The following NALF1 variants were observed in gnomAD, a reference collection of about 807,000 sequenced individuals.
NALF1 encodes the protein NALCN channel auxiliary factor 1.
NALF1 carries 3 observed loss-of-function variants against 48.4 expected under a neutral mutation model. The ratio of observed to expected loss-of-function variants is 0.06; its 90% confidence interval spans 0.03 to 0.16. The LOEUF is 0.16. Among genes scored for constraint, NALF1 ranks in the 10% least tolerant of loss-of-function variants. NALF1 has a pLI of 1.00. For synonymous variants in NALF1, 262 were observed against 245.7 expected (o/e 1.07, Z -0.62); for missense variants, 526 against 571.5 (o/e 0.92, Z 0.81).
chr13:107,480,930 G>A (rs527777423), intron 1 of NALF1, among the ~76,000 whole-genome samples: 5 of 151,680 alleles, frequency 3.3e-5, no homozygotes, highest in Admixed American at 1.3e-4. Flanking sequence ...ATACTTCTAC[G>A]AAACCCACTA....
intron 1 of NALF1, among the ~76,000 whole-genome samples, chr13:107,216,606 G>C (rs1879878150): frequency 6.6e-6 from 1 of 152,112 alleles, no homozygotes; most frequent in Admixed American, 6.5e-5. Context: ...CCTGTTTTCT[G>C]GTGGTGACCC....
chr13:107,297,708 C>A (rs1379892079), intron 1 of NALF1, among the ~76,000 whole-genome samples: 1 of 152,174 alleles, frequency 6.6e-6, no homozygotes, highest in African/African-American at 2.4e-5. Context: ...CCACTTACTG[C>A]TTAAGTTTCT....
At chr13:107,185,709 A>AT (rs201097745) in intron 2 of NALF1, among the ~76,000 whole-genome samples, 1 of 152,104 alleles carries the variant, frequency 6.6e-6, no homozygotes, top group East Asian at 1.9e-4. Flanking sequence ...ATATTTATTT[A>AT]TTTTTTTAAA....
At chr13:107,326,125 A>G (rs1266401394) in intron 1 of NALF1, among the ~76,000 whole-genome samples, 1 of 151,722 alleles carries the variant, frequency 6.6e-6, no homozygotes, top group Non-Finnish European at 1.5e-5. Flanking sequence ...AGTGAAAACA[A>G]TTTTGAAGGC....
chr13:107,239,171 GCTGT>G (rs1313449878), intron 1 of NALF1, among the ~76,000 whole-genome samples: 39 of 152,320 alleles, frequency 2.6e-4, no homozygotes, highest in Admixed American at 1.2e-3. Flanking sequence ...TCCGAGGGCT[GCTGT>G]AATCCAACTG....
At chr13:107,555,374 G>T (rs1422728452) in intron 1 of NALF1, among the ~76,000 whole-genome samples, 1 of 148,432 alleles carries the variant, frequency 6.7e-6, no homozygotes, top group African/African-American at 2.5e-5. Context: ...CCGGGTTCAA[G>T]AAATTCTCCT....
At chr13:107,545,367 C>T (rs574064136) in intron 1 of NALF1, among the ~76,000 whole-genome samples, 1 of 152,292 alleles carries the variant, frequency 6.6e-6, no homozygotes, top group East Asian at 1.9e-4. Context: ...AGCACAGACC[C>T]TCCAACACCA....
At position 107,812,218 on chromosome 13, in the gene NALF1, T is replaced by C. The variant is rs533962171; in HGVS notation, c.915+53464A>G. On this transcript the variant is annotated intron_variant, in intron 1 of 2. Transcript: ENST00000375915. ...TCTACAGGTAGCATAAATGCTGACA[T>C]ATCCAAATATTACAGTTTCATTTTC... Among the ~76,000 whole-genome samples, 3 of 152,306 alleles carry C rather than the reference T, an allele frequency of 2.0e-5. No individual in the cohort carries two copies. The East Asian group carries it at 5.8e-4, about 29-fold the overall frequency.
chr13:107,855,338 A>G (rs144326397), intron 1 of NALF1, among the ~76,000 whole-genome samples: 3 of 152,328 alleles, frequency 2.0e-5, no homozygotes, highest in Admixed American at 6.5e-5. Flanking sequence ...ACACAAATTC[A>G]CAAACTTTCT....
At chr13:107,301,386 T>G (rs2093559600) in intron 1 of NALF1, among the ~76,000 whole-genome samples, 1 of 152,222 alleles carries the variant, frequency 6.6e-6, no homozygotes, top group African/African-American at 2.4e-5. Flanking sequence ...GTACAAAATA[T>G]AGGCAGCTGT....
chr13:107,530,087 G>A (rs1248933929), intron 1 of NALF1, among the ~76,000 whole-genome samples: 2 of 151,982 alleles, frequency 1.3e-5, no homozygotes, highest in Non-Finnish European at 2.9e-5. Flanking sequence ...GGCTCCCTTA[G>A]CTCCAACCCT....
rs556058447 is a variant in NALF1, at chr13:107,391,598, G to C, written c.916-180843C>G. Among the ~76,000 whole-genome samples, 21 of 152,128 alleles carry C rather than the reference G, an allele frequency of 1.4e-4. No homozygotes were observed. The South Asian group carries it at 4.2e-3, about 30-fold the overall frequency. On this transcript the variant is annotated intron_variant, in intron 1 of 2. Coordinates refer to ENST00000375915, the MANE Select transcript of NALF1 (RefSeq NM_001080396.3). ...AACACTTACAACCCTCTCTCTCTCT[G>C]AAGTCGTCTATCTGAGAGCTTCCTC...
chr13:107,601,398 C>T (rs538316662), intron 1 of NALF1, among the ~76,000 whole-genome samples: 20 of 152,250 alleles, frequency 1.3e-4, no homozygotes, highest in Middle Eastern at 3.4e-3. Flanking sequence ...AGAGATGGAG[C>T]GACTTTTCTT....
At chr13:107,204,999 C>CT (rs66730624) in intron 2 of NALF1, among the ~76,000 whole-genome samples, 28,585 of 148,944 alleles carry the variant, frequency 0.19, 3,169 homozygotes, top group East Asian at 0.49. Flanking sequence ...ATGAGAACAT[C>CT]TTTTTTTTTT....
At chr13:107,832,263 C>T (rs1294289911) in intron 1 of NALF1, among the ~76,000 whole-genome samples, 1 of 151,440 alleles carries the variant, frequency 6.6e-6, no homozygotes, top group African/African-American at 2.4e-5. Flanking sequence ...TATATTTAAT[C>T]CATTCTATTT....
rs1166932960 is a variant in NALF1 at position 107,170,052 on chromosome 13, C to T, written c.*445G>A. The stretch of plus-strand genomic sequence containing the variant: ...TACCATGAGGTCATAGCAATCATTC[C>T]TCTAATAGAAGCTGACAGGACATAA... On this transcript the variant is annotated 3_prime_UTR_variant, in exon 3 of 3. Transcript: ENST00000375915. The T allele has an allele frequency of 1.3e-5, 2 of 152,496 alleles. No individual in the cohort carries two copies. Among genetic ancestry groups the T allele is most frequent in the Non-Finnish European group, 2.9e-5 (2 of 69,082 alleles). The allele number at this position is 152,496 out of a possible 1,614,324, so 9.4% of individuals were successfully genotyped here. A position where few individuals can be genotyped will look rare whatever the true frequency, so the allele number is the denominator to read the frequency against.
At chr13:107,587,092 C>T (rs2138414813) in intron 1 of NALF1, among the ~76,000 whole-genome samples, 1 of 152,210 alleles carries the variant, frequency 6.6e-6, no homozygotes, top group Admixed American at 6.6e-5. Context: ...CTACTTAGAA[C>T]TGTGCCTCAG....
chr13:107,425,669 T>A (rs1884267313), intron 1 of NALF1, among the ~76,000 whole-genome samples: 1 of 152,140 alleles, frequency 6.6e-6, no homozygotes, highest in Non-Finnish European at 1.5e-5. Flanking sequence ...ATCTCTCTAC[T>A]ATGATTTGGA....
At chr13:107,191,833 A>ATTT (rs66566638) in intron 2 of NALF1, among the ~76,000 whole-genome samples, 2,513 of 112,150 alleles carry the variant, frequency 0.022, 80 homozygotes, top group Middle Eastern at 0.061. Context: ...CACTATGCCT[A>ATTT]TTTTTTTTTT....
Sources: gnomAD v4.1 joint callset for allele counts (sites outside exome capture counted in the v4.1 genomes callset) on GRCh38, gnomAD v4.1.1 for gene constraint, MANE v1.5 for transcripts, NCBI Gene and HGNC (gene_info 2026-07-23, HGNC 2026-07-21) for gene names.